Variants in FOXN3 observed in about 807,000 individuals in gnomAD.
FOXN3 encodes the protein forkhead box protein N3.
A neutral mutation model predicts 38.4 loss-of-function variants in FOXN3; 7 were observed. The observed-to-expected ratio is 0.18, with a 90% CI of 0.10 to 0.34. The LOEUF (loss-of-function observed/expected upper bound fraction) is 0.34. Among genes scored for constraint, FOXN3 ranks in the 10% least tolerant of loss-of-function variants. The pLI is 1.00. For synonymous variants in FOXN3, 230 were observed against 242.2 expected (o/e 0.95, Z 0.47); for missense variants, 456 against 613.4 (o/e 0.74, Z 2.71).
At chr14:89,589,359 A>G (rs1895907081) in intron 1 of FOXN3, among the ~76,000 whole-genome samples, 1 of 152,220 alleles carries the variant, frequency 6.6e-6, no homozygotes, top group Non-Finnish European at 1.5e-5. Flanking sequence ...AGAACCTTTA[A>G]TAACTTCCAC....
At chr14:89,403,869 G>C (rs1431108831) in intron 2 of FOXN3, among the ~76,000 whole-genome samples, 1 of 152,176 alleles carries the variant, frequency 6.6e-6, no homozygotes, top group Non-Finnish European at 1.5e-5. Flanking sequence ...TAGAAAGGTA[G>C]TGTATCCATG....
intron 4 of FOXN3, among the ~76,000 whole-genome samples, chr14:89,192,249 T>G (rs1347836137): frequency 1.4e-5 from 2 of 146,500 alleles, no homozygotes; most frequent in Admixed American, 6.9e-5. Flanking sequence ...ATATTAACCA[T>G]TATATATAAC....
At position 89,329,750 on chromosome 14, in the gene FOXN3, G is replaced by A. The variant is rs555856972; in HGVS notation, c.680+20922C>T. On this transcript the variant is annotated intron_variant, in intron 3 of 5. Coordinates refer to ENST00000557258, the MANE Select transcript of FOXN3 (RefSeq NM_005197.4). ...GGCGGGCACCTGTCCCAGCTACTAGGGAGGATGAGGCAGGAGAATGCTGTG... is the reference window on the plus strand; with the variant it reads ...GGCGGGCACCTGTCCCAGCTACTAGAGAGGATGAGGCAGGAGAATGCTGTG... Among the ~76,000 whole-genome samples the A allele has an allele frequency of 2.2e-3, 332 of 151,188 alleles. 4 individuals carry two copies. Among genetic ancestry groups the A allele is most frequent in the Non-Finnish European group, 7.2e-4 (49 of 67,872 alleles).
At chr14:89,492,030 C>T (rs1294936872) in intron 1 of FOXN3, among the ~76,000 whole-genome samples, 2 of 152,144 alleles carry the variant, frequency 1.3e-5, no homozygotes, top group Non-Finnish European at 1.5e-5. Context: ...CATACACAAA[C>T]GTCCTGACTG....
chr14:89,288,947 G>A (rs1272317064), intron 3 of FOXN3, among the ~76,000 whole-genome samples: 4 of 151,186 alleles, frequency 2.6e-5, no homozygotes, highest in Non-Finnish European at 5.9e-5. Context: ...GTTGGGAGGC[G>A]CAAGTGGGCG....
chr14:89,200,711 C>T (rs1481510139), intron 4 of FOXN3, among the ~76,000 whole-genome samples: 1 of 152,274 alleles, frequency 6.6e-6, no homozygotes, highest in Non-Finnish European at 1.5e-5. Flanking sequence ...ACATTGCCGT[C>T]ACATTCCCGA....
chr14:89,259,819 A>G (rs2139890073), intron 4 of FOXN3, among the ~76,000 whole-genome samples: 1 of 152,334 alleles, frequency 6.6e-6, no homozygotes, highest in Middle Eastern at 3.4e-3. Context: ...GTTGTCACAG[A>G]ACATCTGGAG....
At chr14:89,292,408 G>A (rs1430682652) in intron 3 of FOXN3, among the ~76,000 whole-genome samples, 1 of 152,100 alleles carries the variant, frequency 6.6e-6, no homozygotes, top group Non-Finnish European at 1.5e-5. Flanking sequence ...TCCTGCCAGG[G>A]GTCACCTGGG....
chr14:89,301,923 T>C (rs1321726351), intron 3 of FOXN3, among the ~76,000 whole-genome samples: 3 of 152,060 alleles, frequency 2.0e-5, no homozygotes, highest in Non-Finnish European at 4.4e-5. Context: ...GTCTACTCAC[T>C]CCTTTCCCGG....
chr14:89,358,643 C>T (rs986871900), intron 2 of FOXN3, among the ~76,000 whole-genome samples: 12 of 152,192 alleles, frequency 7.9e-5, no homozygotes, highest in Non-Finnish European at 1.6e-4. Context: ...GCTTTGGGAA[C>T]GTGTGATTAC....
chr14:89,396,319 G>T (rs991718741), intron 2 of FOXN3, among the ~76,000 whole-genome samples: 1 of 152,198 alleles, frequency 6.6e-6, no homozygotes, highest in Admixed American at 6.5e-5. Flanking sequence ...AAGAGGTGAA[G>T]CAATGCACTG....
chr14:89,200,747 G>A (rs748182664), intron 4 of FOXN3, among the ~76,000 whole-genome samples: 1 of 152,138 alleles, frequency 6.6e-6, no homozygotes, highest in Admixed American at 6.5e-5. Flanking sequence ...GCAAGTGAAC[G>A]CATCACCTCC....
chr14:89,283,220 C>T (rs928709875), intron 3 of FOXN3, among the ~76,000 whole-genome samples: 3 of 152,314 alleles, frequency 2.0e-5, no homozygotes, highest in African/African-American at 7.2e-5. Flanking sequence ...ATTTATTAAA[C>T]TCCTGCTGAG....
chr14:89,482,562 C>G (rs1893355353), intron 1 of FOXN3, among the ~76,000 whole-genome samples: 1 of 151,580 alleles, frequency 6.6e-6, no homozygotes, highest in Non-Finnish European at 1.5e-5. Context: ...TGCAGTAAGC[C>G]ATGATCACGC....
intron 3 of FOXN3, among the ~76,000 whole-genome samples, chr14:89,335,673 T>C (rs1436104429): frequency 6.6e-6 from 1 of 152,280 alleles, no homozygotes; most frequent in East Asian, 1.9e-4. Flanking sequence ...AAAAGGATGC[T>C]AATTATATCT....
chr14:89,399,180 A>C (rs1430086875), intron 2 of FOXN3, among the ~76,000 whole-genome samples: 1 of 152,246 alleles, frequency 6.6e-6, no homozygotes. Flanking sequence ...GAAAAGGACA[A>C]GTCCTAGTAT....
chr14:89,226,513 C>A (rs1186314153), intron 4 of FOXN3, among the ~76,000 whole-genome samples: 1 of 151,994 alleles, frequency 6.6e-6, no homozygotes, highest in Non-Finnish European at 1.5e-5. Context: ...TGGCCTCAAG[C>A]GATTATAGGC....
intron 2 of FOXN3, among the ~76,000 whole-genome samples, chr14:89,386,967 T>C (rs1360348387): frequency 1.3e-5 from 2 of 151,948 alleles, no homozygotes; most frequent in Non-Finnish European, 2.9e-5. Context: ...AACATATAAA[T>C]TGGGGGGTGC....
At chr14:89,242,677 G>A (rs989703204) in intron 4 of FOXN3, among the ~76,000 whole-genome samples, 3 of 152,082 alleles carry the variant, frequency 2.0e-5, no homozygotes, top group Non-Finnish European at 2.9e-5. Flanking sequence ...GAAAATGCCC[G>A]CGACTTAATG....
Sources: gnomAD v4.1 joint callset for allele counts (sites outside exome capture counted in the v4.1 genomes callset) on GRCh38, gnomAD v4.1.1 for gene constraint, MANE v1.5 for transcripts, NCBI Gene and HGNC (gene_info 2026-07-23, HGNC 2026-07-21) for gene names.